Variants in TAB2 observed in about 807,000 individuals in gnomAD.
The protein encoded by TAB2 is TGF-beta activated kinase 1 (MAP3K7) binding protein 2.
In TAB2, 3 loss-of-function variants were observed where a neutral mutation model predicts 65.0. The ratio of observed to expected loss-of-function variants is 0.05; its 90% CI spans 0.02 to 0.12. The LOEUF (loss-of-function observed/expected upper bound fraction) is 0.12. Among genes scored for constraint, TAB2 ranks in the 10% least tolerant of loss-of-function variants. The pLI is 1.00. For missense variants in TAB2, 623 were observed against 840.3 expected, an observed-to-expected ratio of 0.74 and a Z score of 3.20; for synonymous variants, 298 against 285.1, an observed-to-expected ratio of 1.05 and a Z score of -0.46.
At chr6:149,306,031 T>C (rs1274681870) in intron 1 of TAB2, among the ~76,000 whole-genome samples, 1 of 152,182 alleles carries the variant, frequency 6.6e-6, no homozygotes, top group African/African-American at 2.4e-5. Flanking sequence ...AATTTTGTTC[T>C]AAGAGAAATA....
At chr6:149,320,933 T>G (rs1294823721) in intron 1 of TAB2, 2 of 152,206 alleles carry the variant, frequency 1.3e-5, no homozygotes, top group Admixed American at 1.3e-4. Context: ...TGATCTAACA[T>G]TGGGTCTCTC....
chr6:149,258,461 C>T (rs371752735), intron 1 of TAB2, among the ~76,000 whole-genome samples: 15 of 150,900 alleles, frequency 9.9e-5, no homozygotes, highest in African/African-American at 3.6e-4. Flanking sequence ...ACACTTCTCA[C>T]ATAAATACAC....
chr6:149,350,546 C>T (rs974305757), intron 1 of TAB2, among the ~76,000 whole-genome samples: 1 of 148,518 alleles, frequency 6.7e-6, no homozygotes, highest in Non-Finnish European at 1.5e-5. Flanking sequence ...AATCCTAGGG[C>T]GGTTGAGAAG....
chr6:149,411,056 G>C lies in TAB2; in HGVS notation c.*1337G>C, dbSNP rs999560154. 8.5e-5 allele frequency: 13 copies of C among 152,530 alleles called. No individual in the cohort carries two copies. Among genetic ancestry groups the C allele is most frequent in the Non-Finnish European group, 1.9e-4 (13 of 68,032 alleles). 9.4% of individuals were successfully genotyped at this position (152,530 alleles called of 1,614,324 possible). On this transcript the variant is annotated 3_prime_UTR_variant, in exon 7 of 7. Transcript: ENST00000637181. ...AACTTGAACACTGAAGCAACCTCAAGCATCTCTTTATTTTGATGATATATT... is the reference window on the plus strand; with the variant it reads ...AACTTGAACACTGAAGCAACCTCAACCATCTCTTTATTTTGATGATATATT...
chr6:149,338,697 A>G (rs1780007546), intron 1 of TAB2, among the ~76,000 whole-genome samples: 1 of 152,242 alleles, frequency 6.6e-6, no homozygotes, highest in East Asian at 1.9e-4. Flanking sequence ...AAGGAGCCTA[A>G]CAGACTGATG....
At chr6:149,305,173 G>C (rs968663473) in intron 1 of TAB2, among the ~76,000 whole-genome samples, 1 of 152,188 alleles carries the variant, frequency 6.6e-6, no homozygotes, top group Admixed American at 6.5e-5. Context: ...GTCTTTCCAA[G>C]TTTGGAAACA....
chr6:149,301,708 G>C (rs1386751062), intron 1 of TAB2, among the ~76,000 whole-genome samples: 1 of 151,984 alleles, frequency 6.6e-6, no homozygotes, highest in South Asian at 2.1e-4. Context: ...TTCTTTAGTC[G>C]TGTGCATTGT....
At chr6:149,357,283 G>A in intron 1 of TAB2, among the ~76,000 whole-genome samples, 1 of 151,866 alleles carries the variant, frequency 6.6e-6, no homozygotes. Flanking sequence ...GGGCGTGGTG[G>A]TGTGCACCTG....
intron 1 of TAB2, among the ~76,000 whole-genome samples, chr6:149,222,376 G>A (rs1777166917): frequency 6.6e-6 from 1 of 152,062 alleles, no homozygotes; most frequent in South Asian, 2.1e-4. Flanking sequence ...CCAACACTTT[G>A]GGAGGCCAAG....
chr6:149,328,322 C>A (rs186373012), intron 1 of TAB2, among the ~76,000 whole-genome samples: 172 of 152,310 alleles, frequency 1.1e-3, no homozygotes, highest in Non-Finnish European at 2.0e-3. Flanking sequence ...GAGAGGGAGT[C>A]TGCTCTGTCC....
intron 1 of TAB2, among the ~76,000 whole-genome samples, chr6:149,257,811 A>G (rs58569710): frequency 0.037 from 5,673 of 152,038 alleles, 328 homozygotes; most frequent in African/African-American, 0.13. Flanking sequence ...CTCCTGGGGG[A>G]GCAAGACAAG....
intron 1 of TAB2, among the ~76,000 whole-genome samples, chr6:149,363,336 A>G (rs972876444): frequency 6.6e-6 from 1 of 152,130 alleles, no homozygotes; most frequent in Non-Finnish European, 1.5e-5. Flanking sequence ...CTCACCTCCA[A>G]CAATAGGTAG....
chr6:149,239,106 T>C (rs1017612185), intron 1 of TAB2, among the ~76,000 whole-genome samples: 2 of 152,212 alleles, frequency 1.3e-5, no homozygotes, highest in Non-Finnish European at 2.9e-5. Context: ...ATGAATGTAT[T>C]CTCCATCTAA....
At chr6:149,394,508 C>T (rs949484826) in intron 3 of TAB2, among the ~76,000 whole-genome samples, 12 of 152,046 alleles carry the variant, frequency 7.9e-5, no homozygotes, top group Admixed American at 5.2e-4. Flanking sequence ...TATTGAATGC[C>T]ACACACTATG....
intron 1 of TAB2, among the ~76,000 whole-genome samples, chr6:149,288,119 G>A (rs1052413139): frequency 6.6e-6 from 1 of 152,092 alleles, no homozygotes; most frequent in African/African-American, 2.4e-5. Flanking sequence ...TACCATATGT[G>A]GACTATCTTC....
chr6:149,224,212 A>T (rs1777218465), intron 1 of TAB2, among the ~76,000 whole-genome samples: 2 of 152,210 alleles, frequency 1.3e-5, no homozygotes, highest in African/African-American at 4.8e-5. Flanking sequence ...TAATGAACGA[A>T]ATGTAATCAT....
intron 6 of TAB2, among the ~76,000 whole-genome samples, chr6:149,403,804 A>T (rs1389745261): frequency 6.6e-6 from 1 of 152,034 alleles, no homozygotes; most frequent in Non-Finnish European, 1.5e-5. Flanking sequence ...AAACAGCCAG[A>T]TCTTTCATGA....
chr6:149,301,879 C>T (rs1778978335), intron 1 of TAB2, among the ~76,000 whole-genome samples: 1 of 152,242 alleles, frequency 6.6e-6, no homozygotes, highest in Non-Finnish European at 1.5e-5. Flanking sequence ...TAGAAGTAAA[C>T]TTTGAAAGAT....
chr6:149,251,307 T>C (rs1331292695), intron 1 of TAB2, among the ~76,000 whole-genome samples: 1 of 152,112 alleles, frequency 6.6e-6, no homozygotes, highest in East Asian at 1.9e-4. Flanking sequence ...TTCCTTTTCA[T>C]AAGTCTCTGG....
Sources: gnomAD v4.1 joint callset for allele counts (sites outside exome capture counted in the v4.1 genomes callset) on GRCh38, gnomAD v4.1.1 for gene constraint, MANE v1.5 for transcripts, NCBI Gene and HGNC (gene_info 2026-07-23, HGNC 2026-07-21) for gene names.